The following ZNF90 variants were observed in gnomAD, a reference collection of about 807,000 sequenced individuals.
The protein encoded by ZNF90 is zinc finger protein HTF9.
A neutral mutation model predicts 12.0 loss-of-function variants in ZNF90; 11 were observed. The observed-to-expected ratio is 0.92, with a 90% confidence interval of 0.58 to 1.52. The LOEUF (loss-of-function observed/expected upper bound fraction) is 1.52, where lower values mean the gene tolerates loss of function less well. ZNF90 is among the 40% of genes most tolerant of loss of function. ZNF90 has a pLI of 0.00. For synonymous variants in ZNF90, 232 were observed against 240.1 expected (o/e 0.97, Z 0.31); for missense variants, 765 against 711.5 (o/e 1.08, Z -0.86).
rs2089153205 is a variant in ZNF90, at chr19:20,117,810, T to G, written c.256T>G (p.Cys86Gly). The part of the protein sequence containing the change: ...VMCFHFAQDL[C>G]PEQSLKDSFQ... ...GTGTTTTCATTTTGCCCAAGACCTT[T>G]GTCCAGAGCAGAGCCTAAAAGATTC... The change falls in exon 4 of 4, where the codon TGT (cysteine) becomes GGT (glycine). Residue 86 changes from cysteine (C) to glycine (G), a missense_variant. Coordinates refer to ENST00000418063, the MANE Select transcript of ZNF90 (RefSeq NM_007138.2). 1.3e-6 allele frequency: 2 copies of G among 1,559,344 alleles called. No individual in the cohort carries two copies. Among genetic ancestry groups the G allele is most frequent in the South Asian group, 2.5e-5 (2 of 81,014 alleles).
Position 20,118,733 on chromosome 19 carries a change from A to G in ZNF90, c.1179A>G (p.Glu393=). The part of the protein sequence containing the change: ...LLYKHKISHS[E]KKPYKCEECG... The stretch of plus-strand genomic sequence containing the variant: ...ATAAACATAAGATAAGTCATAGTGA[A>G]AAGAAACCCTACAAATGTGAAGAAT... Residue 393 remains glutamate (E), a synonymous_variant, in exon 4 of 4, where the codon GAA becomes GAG. Coordinates refer to ENST00000418063, the MANE Select transcript of ZNF90 (RefSeq NM_007138.2). 1.2e-6 allele frequency: 2 copies of G among 1,609,148 alleles called. No homozygotes were observed. The highest frequency in any genetic ancestry group is 2.2e-5 in the South Asian group (2 of 90,450).
intron 3 of ZNF90, among the ~76,000 whole-genome samples, chr19:20,106,220 CTGAG>C (rs1351932171): frequency 7.3e-5 from 11 of 151,490 alleles, no homozygotes; most frequent in South Asian, 2.1e-4. Flanking sequence ...TGCTAATTTA[CTGAG>C]TATTTATTAT....
intron 1 of ZNF90, among the ~76,000 whole-genome samples, chr19:20,091,448 C>T (rs1348984504): frequency 6.6e-6 from 1 of 152,132 alleles, no homozygotes; most frequent in African/African-American, 2.4e-5. Context: ...AAGATATTTT[C>T]CTTGGTCTAA....
intron 3 of ZNF90, among the ~76,000 whole-genome samples, chr19:20,113,171 GTTT>G (rs1165784943): frequency 1.3e-5 from 2 of 151,356 alleles, no homozygotes; most frequent in African/African-American, 4.9e-5. Flanking sequence ...TGTTGTAACG[GTTT>G]TTTATTTTTT....
At chr19:20,095,534 A>T (rs865075) in intron 1 of ZNF90, among the ~76,000 whole-genome samples, 1 of 151,376 alleles carries the variant, frequency 6.6e-6, no homozygotes, top group Admixed American at 6.6e-5. Flanking sequence ...AGGGGTTCGG[A>T]GGTTCTTACC....
chr19:20,082,021 C>T (rs969630076), intron 1 of ZNF90, among the ~76,000 whole-genome samples: 5 of 152,040 alleles, frequency 3.3e-5, no homozygotes, highest in African/African-American at 1.2e-4. Context: ...GCCTCGGCCT[C>T]CTAAAGTGCT....
intron 1 of ZNF90, among the ~76,000 whole-genome samples, chr19:20,099,616 C>T (rs898859088): frequency 2.6e-5 from 4 of 152,192 alleles, no homozygotes; most frequent in East Asian, 1.9e-4. Context: ...CTATCTGAGG[C>T]GTCCCACGAC....
At position 20,108,517 on chromosome 19, in the gene ZNF90, C is replaced by T. The variant is rs1017037680; in HGVS notation, c.226+3201C>T. ...TAGAGATGAGGATGGGGTTTCACCACGTTGGCCAGGCTGGTCTTAAAACTC... is the reference window on the plus strand; with the variant it reads ...TAGAGATGAGGATGGGGTTTCACCATGTTGGCCAGGCTGGTCTTAAAACTC... On this transcript the variant is annotated intron_variant, in intron 3 of 3. Coordinates refer to ENST00000418063, the MANE Select transcript of ZNF90 (RefSeq NM_007138.2). 4.6e-5 allele frequency among the ~76,000 whole-genome samples: 7 copies of T among 152,074 alleles called. No individual in the cohort carries two copies. The East Asian group carries it at 5.8e-4, about 13-fold the overall frequency.
chr19:20,078,515 A>G (rs1339320271), intron 1 of ZNF90, among the ~76,000 whole-genome samples: 1 of 151,740 alleles, frequency 6.6e-6, no homozygotes, highest in Non-Finnish European at 1.5e-5. Context: ...TCTCCTATTA[A>G]AAACTTATGG....
At chr19:20,087,857 G>A (rs193240234) in intron 1 of ZNF90, among the ~76,000 whole-genome samples, 2 of 152,056 alleles carry the variant, frequency 1.3e-5, no homozygotes, top group African/African-American at 4.8e-5. Flanking sequence ...AGTCAAAGGG[G>A]GTTTGTTCTC....
At chr19:20,095,115 C>T (rs898562589) in intron 1 of ZNF90, among the ~76,000 whole-genome samples, 4 of 151,506 alleles carry the variant, frequency 2.6e-5, no homozygotes, top group Non-Finnish European at 4.4e-5. Flanking sequence ...AAAGACTCAG[C>T]GATGCTTGGG....
chr19:20,098,984 A>T (rs782672269), intron 1 of ZNF90, among the ~76,000 whole-genome samples: 1 of 152,190 alleles, frequency 6.6e-6, no homozygotes, highest in Non-Finnish European at 1.5e-5. Context: ...TGAAGCAGTC[A>T]TGGTTCCAAC....
At chr19:20,112,746 T>G (rs2089101029) in intron 3 of ZNF90, among the ~76,000 whole-genome samples, 1 of 152,154 alleles carries the variant, frequency 6.6e-6, no homozygotes, top group Middle Eastern at 3.2e-3. Context: ...GTTAGAAATG[T>G]TTTTTTGTTA....
At chr19:20,097,863 C>A (rs1198278352) in intron 1 of ZNF90, among the ~76,000 whole-genome samples, 3 of 152,220 alleles carry the variant, frequency 2.0e-5, no homozygotes, top group African/African-American at 7.2e-5. Flanking sequence ...ATATCCCATA[C>A]CCTAAACCAT....
intron 3 of ZNF90, among the ~76,000 whole-genome samples, chr19:20,115,190 G>C (rs1342794162): frequency 6.6e-6 from 1 of 151,966 alleles, no homozygotes; most frequent in East Asian, 1.9e-4. Context: ...GCCACTTTCA[G>C]TCTTTTTTTG....
chr19:20,099,930 T>A (rs2088976449), intron 1 of ZNF90, among the ~76,000 whole-genome samples: 1 of 152,198 alleles, frequency 6.6e-6, no homozygotes, highest in African/African-American at 2.4e-5. Flanking sequence ...TATTATTGGC[T>A]GTACAGAAAC....
At chr19:20,109,330 T>C (rs1206010810) in intron 3 of ZNF90, among the ~76,000 whole-genome samples, 1 of 152,226 alleles carries the variant, frequency 6.6e-6, no homozygotes, top group Non-Finnish European at 1.5e-5. Flanking sequence ...CAATTTTAGA[T>C]ATTTTTTCTT....
At chr19:20,108,696 T>C (rs946025355) in intron 3 of ZNF90, among the ~76,000 whole-genome samples, 43 of 151,652 alleles carry the variant, frequency 2.8e-4, no homozygotes, top group African/African-American at 1.0e-3. Context: ...TTGTTTGTAG[T>C]TCTATATTAG....
rs781978100 is a variant in ZNF90 at position 20,118,308 on chromosome 19, A to G, written c.754A>G (p.Thr252Ala). 6 of 1,562,418 alleles carry G rather than the reference A, an allele frequency of 3.8e-6. No individual in the cohort carries two copies. Among genetic ancestry groups the G allele is most frequent in the Middle Eastern group, 1.7e-4 (1 of 6,010 alleles). Residue 252 changes from threonine to alanine, a missense_variant, in exon 4 of 4, where the codon ACT becomes GCT. Physicochemically the swap from Thr to Ala is moderately conservative, Grantham distance 58 (BLOSUM62 0). Coordinates refer to ENST00000418063, the MANE Select transcript of ZNF90 (RefSeq NM_007138.2). ...STLTAHKRIH[T>A]GEKRYKCEDC... ...CCTTACTGCACATAAGAGAATTCAT[A>G]CTGGAGAGAAACGGTACAAATGTGA...
Sources: allele counts gnomAD v4.1 joint callset (sites outside exome capture counted in the v4.1 genomes callset), GRCh38; gene constraint gnomAD v4.1.1; transcripts MANE v1.5; gene names NCBI Gene and HGNC (gene_info 2026-07-23, HGNC 2026-07-21).